The following RANBP2 variants were observed in gnomAD, a reference collection of about 807,000 sequenced individuals.
RANBP2 encodes the protein RAN binding protein 2.
A neutral mutation model predicts 303.6 loss-of-function variants in RANBP2; 57 were observed. The observed-to-expected ratio is 0.19, with a 90% CI of 0.15 to 0.23. The LOEUF (loss-of-function observed/expected upper bound fraction) is 0.23, where lower values mean the gene tolerates loss of function less well. Among genes scored for constraint, RANBP2 ranks in the 10% least tolerant of loss-of-function variants. The pLI, the probability that RANBP2 is intolerant of heterozygous loss-of-function variation, is 1.00. For synonymous variants in RANBP2, 1,167 were observed against 1,301.5 expected, an observed-to-expected ratio of 0.90 and a Z score of 2.23; for missense variants, 3,138 against 3,780.8, an observed-to-expected ratio of 0.83 and a Z score of 4.46.
At chr2:109,003,031 C>T in the RANBP2 span, among the ~76,000 whole-genome samples, 1 of 151,892 alleles carries the variant, frequency 6.6e-6, no homozygotes, top group African/African-American at 2.4e-5. Flanking sequence ...TATGGTGAAA[C>T]CCCGTCTCTA....
At chr2:109,702,946 C>T in the RANBP2 span, among the ~76,000 whole-genome samples, 1 of 152,044 alleles carries the variant, frequency 6.6e-6, no homozygotes, top group Non-Finnish European at 1.5e-5. Flanking sequence ...TCCCAACCCA[C>T]ACCCTACATC....
At chr2:109,009,702 C>CTTTTTTTT in the RANBP2 span, among the ~76,000 whole-genome samples, 2 of 123,126 alleles carry the variant, frequency 1.6e-5, no homozygotes, top group Non-Finnish European at 1.7e-5. Flanking sequence ...ACATTTTTAC[C>CTTTTTTTT]TTTTTTTTGT....
At chr2:108,757,827 A>G (rs1676432133) in intron 17 of RANBP2, among the ~76,000 whole-genome samples, 1 of 152,208 alleles carries the variant, frequency 6.6e-6, no homozygotes. Flanking sequence ...AGGCAAGTGT[A>G]GAATGGAAAT....
chr2:109,156,223 AG>A, the RANBP2 span, among the ~76,000 whole-genome samples: 1 of 152,298 alleles, frequency 6.6e-6, no homozygotes, highest in African/African-American at 2.4e-5. Context: ...TTGTGGGTTG[AG>A]GGGGCTGGCA....
At chr2:109,585,327 A>G in the RANBP2 span, 1 of 1,595,508 alleles carries the variant, frequency 6.3e-7, no homozygotes, top group Non-Finnish European at 8.5e-7. Context: ...TTCCCCTGAA[A>G]CACACAAAGG....
chr2:108,877,353 C>G, the RANBP2 span, among the ~76,000 whole-genome samples: 3 of 151,932 alleles, frequency 2.0e-5, no homozygotes, highest in African/African-American at 4.8e-5. Context: ...GTGATCCTAG[C>G]TACTCGGGAG....
At chr2:109,614,187 C>T in the RANBP2 span, 1 of 1,143,562 alleles carries the variant, frequency 8.7e-7, no homozygotes, top group Non-Finnish European at 1.1e-6. Flanking sequence ...GTGATTGCGG[C>T]CCTCGCGAGG....
the RANBP2 span, among the ~76,000 whole-genome samples, chr2:109,336,414 A>G: frequency 6.6e-6 from 1 of 152,362 alleles, no homozygotes; most frequent in African/African-American, 2.4e-5. Context: ...CATGCAAAAT[A>G]CATTTGGAAG....
At chr2:108,909,455 G>GATCATGGAATCATAGGAAT in the RANBP2 span, among the ~76,000 whole-genome samples, 2 of 152,198 alleles carry the variant, frequency 1.3e-5, no homozygotes, top group Non-Finnish European at 2.9e-5. Flanking sequence ...ATCATAGGAA[G>GATCATGGAATCATAGGAAT]ATCATGGGGT....
chr2:108,899,033 C>T, the RANBP2 span, among the ~76,000 whole-genome samples: 1 of 152,120 alleles, frequency 6.6e-6, no homozygotes, highest in African/African-American at 2.4e-5. Flanking sequence ...TTAGAACTCT[C>T]CAAATTTGTA....
the RANBP2 span, among the ~76,000 whole-genome samples, chr2:108,809,295 T>C: frequency 1.3e-5 from 2 of 152,188 alleles, no homozygotes; most frequent in African/African-American, 4.8e-5. Context: ...CTTTCGCTTA[T>C]TTGGGGTCTT....
the RANBP2 span, among the ~76,000 whole-genome samples, chr2:109,361,533 G>T: frequency 2.0e-5 from 3 of 152,090 alleles, no homozygotes; most frequent in African/African-American, 7.2e-5. Context: ...GAGTGCAGTG[G>T]CGCGATCTTG....
the RANBP2 span, among the ~76,000 whole-genome samples, chr2:108,937,214 A>G: frequency 1.3e-5 from 2 of 152,210 alleles, no homozygotes; most frequent in Non-Finnish European, 2.9e-5. Flanking sequence ...TTATCACTGC[A>G]CTGAAAATCT....
At chr2:109,328,633 C>T in the RANBP2 span, among the ~76,000 whole-genome samples, 18 of 152,314 alleles carry the variant, frequency 1.2e-4, no homozygotes, top group African/African-American at 4.3e-4. Context: ...ATGCCTAGGT[C>T]ATGGTACTGA....
the RANBP2 span, among the ~76,000 whole-genome samples, chr2:109,588,850 TA>T: frequency 0.39 from 43,268 of 111,060 alleles, 8,178 homozygotes; most frequent in Middle Eastern, 0.56. Flanking sequence ...CAATTACTAT[TA>T]AAAAAAAAAA....
rs1387189037 is a variant in RANBP2, at chr2:108,751,947, C to T, written c.1708C>T (p.Leu570Phe). ...TCTAAGAGCCCAGGAAAAACATGGC[C>T]TTCAACCTGCTCTGCTTGTACATTG... ...NTLRAQEKHG[L>F]QPALLVHWAE... The change falls in exon 12 of 29, where the codon CTT becomes TTT. Residue 570 changes from leucine (L) to phenylalanine (F), a missense_variant. Physicochemically the swap from Leu to Phe is conservative, Grantham distance 22. Around this residue, in one of 20 missense-constraint regions of RANBP2, gnomAD observed 162 missense variants for 286.9 expected, o/e 0.56. Transcript: ENST00000283195. 2.5e-6 allele frequency: 4 copies of T among 1,611,972 alleles called. No homozygotes were observed. The highest frequency in any genetic ancestry group is 1.3e-5 in the African/African-American group (1 of 74,980).
At chr2:108,728,731 ACCT>A (rs1454331004) in intron 1 of RANBP2, among the ~76,000 whole-genome samples, 1 of 151,630 alleles carries the variant, frequency 6.6e-6, no homozygotes, top group Non-Finnish European at 1.5e-5. Flanking sequence ...TGCAACCTCC[ACCT>A]CCTGGGTTCA....
the RANBP2 span, among the ~76,000 whole-genome samples, chr2:109,492,993 A>ACAC: frequency 1.1e-4 from 16 of 152,032 alleles, no homozygotes; most frequent in African/African-American, 3.9e-4. Context: ...ACTGCACACC[A>ACAC]CACTGTGCAA....
the RANBP2 span, among the ~76,000 whole-genome samples, chr2:108,829,839 A>G: frequency 6.6e-6 from 1 of 152,198 alleles, no homozygotes; most frequent in Non-Finnish European, 1.5e-5. Context: ...AGGAATGTAA[A>G]ATGCAGCTGC....
Sources: allele counts gnomAD v4.1 joint callset (sites outside exome capture counted in the v4.1 genomes callset), GRCh38; gene constraint gnomAD v4.1.1; regional missense constraint gnomAD v4.1.1; transcripts MANE v1.5; gene names NCBI Gene and HGNC (gene_info 2026-07-23, HGNC 2026-07-21).